The following AFAP1 variants were observed in gnomAD, a reference collection of about 807,000 sequenced individuals.
AFAP1 encodes actin filament-associated protein 1.
AFAP1 carries 75 observed loss-of-function variants against 93.9 expected under a neutral mutation model. The ratio of observed to expected loss-of-function variants is 0.80; its 90% confidence interval spans 0.66 to 0.97. The LOEUF (loss-of-function observed/expected upper bound fraction) is 0.97, where lower values mean the gene tolerates loss of function less well. Ranked by LOEUF, AFAP1 falls within the 50% of genes least tolerant of loss-of-function variation. The pLI, the probability that AFAP1 is intolerant of heterozygous loss-of-function variation, is 0.00. For missense variants in AFAP1, 1,201 were observed against 1,050.8 expected, an observed-to-expected ratio of 1.14 and a Z score of -1.98; for synonymous variants, 517 against 430.7, an observed-to-expected ratio of 1.20 and a Z score of -2.48.
chr4:7,785,816 C>T (rs56922435), intron 12 of AFAP1, among the ~76,000 whole-genome samples: 51,983 of 151,870 alleles, frequency 0.34, 10,848 homozygotes, highest in African/African-American at 0.57. Flanking sequence ...TGTGCACCTA[C>T]GGTCCCAGCT....
chr4:7,856,574 C>T (rs1398693982), intron 3 of AFAP1, among the ~76,000 whole-genome samples: 3 of 152,166 alleles, frequency 2.0e-5, no homozygotes, highest in Non-Finnish European at 4.4e-5. Flanking sequence ...GAGACCGAAA[C>T]TCTCTCTGGT....
At chr4:7,887,533 A>G (rs1048841690) in intron 1 of AFAP1, among the ~76,000 whole-genome samples, 1 of 152,234 alleles carries the variant, frequency 6.6e-6, no homozygotes, top group African/African-American at 2.4e-5. Context: ...ATAATGTTAA[A>G]AAGTATTCAA....
intron 3 of AFAP1, among the ~76,000 whole-genome samples, chr4:7,866,411 G>A (rs1181531246): frequency 6.6e-6 from 1 of 152,090 alleles, no homozygotes; most frequent in Non-Finnish European, 1.5e-5. Context: ...GCCCAGGCTA[G>A]TCTTGAACTC....
chr4:7,831,272 A>G (rs75114492), intron 6 of AFAP1, among the ~76,000 whole-genome samples: 4,255 of 152,160 alleles, frequency 0.028, 177 homozygotes, highest in African/African-American at 0.085. Flanking sequence ...CTGTACCATT[A>G]TATGTACTGG....
chr4:7,873,342 C>A (rs1326311599), intron 1 of AFAP1, among the ~76,000 whole-genome samples: 2 of 51,016 alleles, frequency 3.9e-5, no homozygotes, highest in Non-Finnish European at 7.1e-5. Flanking sequence ...GAAGACACAC[C>A]TTTTTTTTTT....
In AFAP1 at chr4:7,759,709, G is replaced by T. The variant is rs539269632; in HGVS notation, c.*4056C>A. ...CATTGCCACGACCTTTATGTAAGCT[G>T]CAGGGCACCCTGCCGGCCAACCCTG... On this transcript the variant is annotated 3_prime_UTR_variant, in exon 18 of 18. Transcript: ENST00000420658. 6.6e-6 allele frequency: 1 copy of T among 152,664 alleles called. No individual in the cohort carries two copies. The highest frequency in any genetic ancestry group is 2.1e-4 in the South Asian group (1 of 4,832). The allele number at this position is 152,664 out of a possible 1,614,324, so 9.5% of individuals were successfully genotyped here. A position where few individuals can be genotyped will look rare whatever the true frequency, so the allele number is the denominator to read the frequency against.
At chr4:7,932,034 G>C (rs1023026914) in intron 1 of AFAP1, among the ~76,000 whole-genome samples, 1 of 151,850 alleles carries the variant, frequency 6.6e-6, no homozygotes, top group Non-Finnish European at 1.5e-5. Flanking sequence ...CTAATTTTTT[G>C]TATTTTTTAG....
intron 10 of AFAP1, among the ~76,000 whole-genome samples, chr4:7,796,239 A>G (rs1718407659): frequency 1.3e-5 from 2 of 152,200 alleles, no homozygotes; most frequent in South Asian, 4.1e-4. Flanking sequence ...GGCTGACTCC[A>G]GGTCTGGAGC....
chr4:7,889,559 GAAAAAAA>G (rs373929691), intron 1 of AFAP1, among the ~76,000 whole-genome samples: 2 of 113,792 alleles, frequency 1.8e-5, no homozygotes, highest in East Asian at 5.7e-4. Flanking sequence ...AAAAAAAAAA[GAAAAAAA>G]AAAAGGCATA....
chr4:7,856,486 C>G (rs942273037), intron 3 of AFAP1, among the ~76,000 whole-genome samples: 4 of 152,108 alleles, frequency 2.6e-5, no homozygotes, highest in African/African-American at 9.7e-5. Context: ...GTGATCAGCC[C>G]GCCTTGGCCT....
At chr4:7,781,323 G>C in intron 13 of AFAP1, 53 bp downstream of exon 13, 2 of 1,536,934 alleles carry the variant, frequency 1.3e-6, no homozygotes, top group East Asian at 2.5e-5. Flanking sequence ...AACTCTGTTG[G>C]AGCAATGTGA....
At chr4:7,816,961 G>A (rs184713948) in intron 7 of AFAP1, among the ~76,000 whole-genome samples, 35 of 152,292 alleles carry the variant, frequency 2.3e-4, no homozygotes, top group Middle Eastern at 3.4e-3. Context: ...AGCTGGCACC[G>A]CCCTGGCTCT....
intron 1 of AFAP1, among the ~76,000 whole-genome samples, chr4:7,931,019 TGG>T (rs1412972541): frequency 1.3e-5 from 2 of 152,188 alleles, no homozygotes; most frequent in East Asian, 3.9e-4. Context: ...CCCAAAAATC[TGG>T]GATAAGTCAT....
intron 11 of AFAP1, among the ~76,000 whole-genome samples, chr4:7,787,625 G>C (rs923639587): frequency 6.6e-6 from 1 of 152,306 alleles, no homozygotes; most frequent in South Asian, 2.1e-4. Context: ...CTGGGCATGG[G>C]AAAGACCTGC....
At chr4:7,848,031 G>A (rs919350842) in intron 4 of AFAP1, among the ~76,000 whole-genome samples, 1 of 151,282 alleles carries the variant, frequency 6.6e-6, no homozygotes, top group South Asian at 2.1e-4. Context: ...GCAGACAGAT[G>A]GATCGATGTA....
At chr4:7,773,371 A>G in intron 15 of AFAP1, 1 of 222,200 alleles carries the variant, frequency 4.5e-6, no homozygotes, top group Non-Finnish European at 8.9e-6. Flanking sequence ...TCCTCCCCTA[A>G]CGCTCCGCCG....
intron 1 of AFAP1, among the ~76,000 whole-genome samples, chr4:7,927,870 A>C (rs553671865): frequency 1.3e-5 from 2 of 152,306 alleles, no homozygotes; most frequent in Admixed American, 1.3e-4. Context: ...AGTTGCCCCA[A>C]ACACATAGCA....
At chr4:7,803,152 T>C (rs879496640) in intron 9 of AFAP1, among the ~76,000 whole-genome samples, 19 of 151,948 alleles carry the variant, frequency 1.3e-4, no homozygotes, top group Non-Finnish European at 2.2e-4. Flanking sequence ...TGAGCATGAG[T>C]TGACAAATGT....
chr4:7,798,851 T>A, intron 10 of AFAP1: 5 of 958,156 alleles, frequency 5.2e-6, no homozygotes, highest in Non-Finnish European at 6.2e-6. Context: ...CCCGAGCTTC[T>A]CTGTCTGGGC....
Sources: allele counts gnomAD v4.1 joint callset (sites outside exome capture counted in the v4.1 genomes callset), GRCh38; gene constraint gnomAD v4.1.1; transcripts MANE v1.5; gene names NCBI Gene and HGNC (gene_info 2026-07-23, HGNC 2026-07-21).